The following USP24 variants were observed in gnomAD, a reference collection of about 807,000 sequenced individuals.
The protein encoded by USP24 is ubiquitin carboxyl-terminal hydrolase 24.
USP24 carries 97 observed loss-of-function variants against 361.6 expected under a neutral mutation model. The ratio of observed to expected loss-of-function variants is 0.27; its 90% CI spans 0.23 to 0.32. The LOEUF (loss-of-function observed/expected upper bound fraction) is 0.32, where lower values mean the gene tolerates loss of function less well. Among genes scored for constraint, USP24 ranks in the 10% least tolerant of loss-of-function variants. The pLI, the probability that USP24 is intolerant of heterozygous loss-of-function variation, is 1.00. For missense variants in USP24, 2,353 were observed against 3,165.6 expected, an observed-to-expected ratio of 0.74 and a Z score of 6.16; for synonymous variants, 1,098 against 1,124.6, an observed-to-expected ratio of 0.98 and a Z score of 0.47.
rs773233751 is a variant in USP24 at position 55,138,694 on chromosome 1, T to C, written c.2842A>G (p.Ile948Val). ...IEDFYSVPRT[I>V]LPHGASFHGH... The stretch of plus-strand genomic sequence containing the variant: ...TGAAATGAGGCACCATGAGGTAGAA[T>C]AGTTCGTGGAACAGAGTAAAAATCC... The change falls in exon 26 of 68, where the codon ATT becomes GTT. Residue 948 changes from isoleucine to valine, a missense_variant. Around this residue, in one of 8 missense-constraint regions of USP24, gnomAD observed 949 missense variants for 1,280.5 expected, o/e 0.74. Transcript: ENST00000294383. 5 of 1,612,898 alleles carry C rather than the reference T, an allele frequency of 3.1e-6. No individual in the cohort carries two copies. The highest frequency in any genetic ancestry group is 2.2e-5 in the East Asian group (1 of 44,856).
intron 3 of USP24, among the ~76,000 whole-genome samples, chr1:55,172,912 T>C (rs1207560702): frequency 1.3e-5 from 2 of 152,200 alleles, no homozygotes; most frequent in African/African-American, 4.8e-5. Context: ...CTCAGTTCTC[T>C]TATCTCTAAA....
At chr1:55,178,629 T>C (rs989538677) in intron 1 of USP24, among the ~76,000 whole-genome samples, 3 of 150,602 alleles carry the variant, frequency 2.0e-5, no homozygotes, top group Admixed American at 1.3e-4. Flanking sequence ...AGAGCTGAGA[T>C]TGCACCACTG....
intron 1 of USP24, among the ~76,000 whole-genome samples, chr1:55,213,740 G>C (rs1045103880): frequency 2.6e-5 from 4 of 152,072 alleles, no homozygotes; most frequent in African/African-American, 9.7e-5. Context: ...GCTTCTGGTC[G>C]ATCTTTTTTC....
chr1:55,095,026 ACTTCAATTCTAGAATG>A (rs760925765), intron 51 of USP24, among the ~76,000 whole-genome samples: 227 of 152,184 alleles, frequency 1.5e-3, no homozygotes, highest in Non-Finnish European at 2.6e-3. Context: ...AAAACAAAAC[ACTTCAATTCTAGAATG>A]AAATAACTTA....
At chr1:55,071,718 G>A (rs2100383997) in intron 67 of USP24, 96 bp downstream of exon 67, 1 of 1,280,172 alleles carries the variant, frequency 7.8e-7, no homozygotes, top group Non-Finnish European at 1.1e-6. Context: ...ACATTCCAGA[G>A]GAAGCATCTT....
intron 32 of USP24, 23 bp from the exon 33 acceptor site, chr1:55,125,781 C>T (rs987316534): frequency 6.5e-7 from 1 of 1,539,648 alleles, no homozygotes; most frequent in Non-Finnish European, 8.8e-7. Context: ...GAAAAAAAGG[C>T]AGGATATTAA....
intron 20 of USP24, among the ~76,000 whole-genome samples, chr1:55,145,303 C>G (rs754587276): frequency 6.6e-6 from 1 of 152,158 alleles, no homozygotes; most frequent in Non-Finnish European, 1.5e-5. Flanking sequence ...GGTATACCCA[C>G]ACAGTGGAAT....
At chr1:55,089,095 GC>G (rs1167810352) in intron 55 of USP24, among the ~76,000 whole-genome samples, 1 of 151,890 alleles carries the variant, frequency 6.6e-6, no homozygotes, top group Non-Finnish European at 1.5e-5. Context: ...TTTAGTAGAG[GC>G]GGGGTTTCAC....
intron 1 of USP24, among the ~76,000 whole-genome samples, chr1:55,196,741 C>T (rs1644429257): frequency 6.6e-6 from 1 of 152,178 alleles, no homozygotes; most frequent in Admixed American, 6.5e-5. Flanking sequence ...CATGGTATCT[C>T]CCTGTTGAAA....
chr1:55,133,619 A>G (rs1264229657), intron 30 of USP24, among the ~76,000 whole-genome samples: 2 of 150,078 alleles, frequency 1.3e-5, no homozygotes, highest in African/African-American at 4.9e-5. Flanking sequence ...ATTTATAGCA[A>G]AGGTATTTCT....
Position 55,093,807 on chromosome 1 carries a change from T to C in USP24, c.6354+130A>G, listed in dbSNP as rs138780883. On this transcript the variant is annotated intron_variant, in intron 52 of 67. Coordinates refer to ENST00000294383, the MANE Select transcript of USP24 (RefSeq NM_015306.3). Reference sequence around the variant, plus strand: ...TCTGTGTCGTGGCATAAAAGGTTCATGAGACAAGTGTGTAAGACGATGTAG... The same window carrying C: ...TCTGTGTCGTGGCATAAAAGGTTCACGAGACAAGTGTGTAAGACGATGTAG... 4.6e-6 allele frequency: 6 copies of C among 1,313,046 alleles called. No individual in the cohort carries two copies. In the East Asian group the frequency reaches 7.5e-5, roughly 16 times the overall value. 81.3% of individuals were successfully genotyped at this position (1,313,046 alleles called of 1,614,324 possible).
At chr1:55,078,450 C>A (rs771590116) in intron 61 of USP24, 88 bp downstream of exon 61, 10 of 951,132 alleles carry the variant, frequency 1.1e-5, no homozygotes, top group Admixed American at 3.2e-5. Flanking sequence ...GCTATGAGAA[C>A]AAGCATACTG....
intron 53 of USP24, 78 bp downstream of exon 53, chr1:55,092,743 T>C: frequency 2.8e-6 from 3 of 1,068,234 alleles, no homozygotes; most frequent in Non-Finnish European, 4.1e-6. Context: ...AGACTGAGGA[T>C]GAATCACTGA....
At chr1:55,089,020 C>A (rs1645314939) in intron 55 of USP24, among the ~76,000 whole-genome samples, 3 of 151,582 alleles carry the variant, frequency 2.0e-5, no homozygotes. Context: ...TCAAGCAATT[C>A]TCCTGCCTCA....
intron 1 of USP24, among the ~76,000 whole-genome samples, chr1:55,197,870 GA>G (rs1644461887): frequency 6.6e-6 from 1 of 152,164 alleles, no homozygotes; most frequent in African/African-American, 2.4e-5. Context: ...ACCACAATTA[GA>G]TGGGATGTTA....
At chr1:55,212,188 T>C (rs1481225224) in intron 1 of USP24, among the ~76,000 whole-genome samples, 1 of 152,234 alleles carries the variant, frequency 6.6e-6, no homozygotes, top group African/African-American at 2.4e-5. Context: ...TTCTAAAGTA[T>C]GCTTCTTTTT....
chr1:55,094,533 A>G (rs908427929), intron 51 of USP24, among the ~76,000 whole-genome samples: 1 of 152,154 alleles, frequency 6.6e-6, no homozygotes, highest in Non-Finnish European at 1.5e-5. Context: ...TAAAACACAT[A>G]TAGTCATATT....
chr1:55,134,341 G>T lies in USP24; in HGVS notation c.3274C>A (p.Leu1092Met). 6.2e-7 allele frequency: 1 copy of T among 1,612,434 alleles called. No individual in the cohort carries two copies. The highest frequency in any genetic ancestry group is 1.1e-5 in the South Asian group (1 of 90,892). ...ATTTATATTTACCTTGGCTCTTCCA[G>T]ATTGGCGAGCTGATAAAGCATGTCA... ...VFDMLYQLAN[L>M]EEPRITLRVR... Residue 1092 changes from leucine to methionine, a missense_variant, in exon 29 of 68, where the codon CTG becomes ATG. Physicochemically the swap from Leu to Met is conservative, Grantham distance 15 (BLOSUM62 2). Transcript: ENST00000294383.
chr1:55,185,352 G>A (rs776682778), intron 1 of USP24, among the ~76,000 whole-genome samples: 31 of 151,092 alleles, frequency 2.1e-4, no homozygotes, highest in Non-Finnish European at 3.5e-4. Flanking sequence ...TGAAAAGCAA[G>A]AATAAACTAA....
Sources: allele counts gnomAD v4.1 joint callset (sites outside exome capture counted in the v4.1 genomes callset), GRCh38; gene constraint gnomAD v4.1.1; regional missense constraint gnomAD v4.1.1; transcripts MANE v1.5; gene names NCBI Gene and HGNC (gene_info 2026-07-23, HGNC 2026-07-21).